VPS37B: variants seen among roughly 807,000 people sequenced by gnomAD.
The protein encoded by VPS37B is VPS37B subunit of ESCRT-I.
A neutral mutation model predicts 21.2 loss-of-function variants in VPS37B; 11 were observed. The ratio of observed to expected loss-of-function variants is 0.52; its 90% confidence interval spans 0.33 to 0.86. VPS37B has a LOEUF of 0.86. VPS37B is among the 40% of genes least tolerant of loss of function. The pLI is 0.03. For missense variants in VPS37B, 389 were observed against 374.8 expected, an observed-to-expected ratio of 1.04 and a Z score of -0.31; for synonymous variants, 175 against 159.6, an observed-to-expected ratio of 1.10 and a Z score of -0.73.
At chr12:122,880,020 A>G (rs2034221260) in intron 1 of VPS37B, 1 of 152,136 alleles carries the variant, frequency 6.6e-6, no homozygotes, top group African/African-American at 2.4e-5. Flanking sequence ...TGAGGCAGGC[A>G]GGAGAATCAC....
In VPS37B at chr12:122,867,175, G is replaced by C. The variant is rs753751384; in HGVS notation, c.799C>G (p.Leu267Val). Residue 267 changes from leucine to valine, a missense_variant, in exon 4 of 4, where the codon CTC becomes GTC. Transcript: ENST00000267202. The surrounding 1 kb of genome is among the most constrained non-coding windows in gnomAD (Gnocchi z 5.5). ...SQFVSPYPPP[L>V]PQRPPPRLPP... ...AGCCGGGGCGGGGGTCTCTGAGGGAGAGGTGGCGGATATGGGGACACGAAC... is the reference window on the plus strand; with the variant it reads ...AGCCGGGGCGGGGGTCTCTGAGGGACAGGTGGCGGATATGGGGACACGAAC... 25 of 1,561,552 alleles carry C rather than the reference G, an allele frequency of 1.6e-5. No homozygotes were observed. The South Asian group carries it at 2.7e-4, about 17-fold the overall frequency.
At position 122,867,459 on chromosome 12, in the gene VPS37B, G is replaced by A. The variant is rs777939759; in HGVS notation, c.515C>T (p.Ala172Val). The A allele has an allele frequency of 8.1e-6, 13 of 1,613,724 alleles. No homozygotes were observed. Among genetic ancestry groups the A allele is most frequent in the South Asian group, 4.4e-5 (4 of 91,088 alleles). The change falls in exon 4 of 4, where the codon GCC becomes GTC. Residue 172 changes from alanine to valine, a missense_variant. Coordinates refer to ENST00000267202, the MANE Select transcript of VPS37B (RefSeq NM_024667.3). The surrounding 1 kb of genome is among the most constrained non-coding windows in gnomAD (Gnocchi z 5.5). ...MVLKGQRLPQALAPLPPRLPE... is the reference protein window; with the variant it reads ...MVLKGQRLPQVLAPLPPRLPE... ...CAGCCTGGGGGGCAGCGGGGCCAGG[G>A]CCTGTGGGAGTCTCTGCCCCTTTAG...
At chr12:122,872,555 G>A (rs1267780932) in intron 1 of VPS37B, 6 of 985,256 alleles carry the variant, frequency 6.1e-6, no homozygotes, top group African/African-American at 5.2e-5. Context: ...AGTTTCACTC[G>A]GGTTTCTGGT....
intron 1 of VPS37B, among the ~76,000 whole-genome samples, chr12:122,895,714 C>G (rs1161045510): frequency 2.0e-5 from 3 of 151,994 alleles, no homozygotes; most frequent in African/African-American, 7.3e-5. Context: ...TTTTTCCCGC[C>G]TCCGCCCTAG....
chr12:122,869,089 G>A (rs555153113), intron 2 of VPS37B, among the ~76,000 whole-genome samples: 57 of 152,282 alleles, frequency 3.7e-4, no homozygotes, highest in African/African-American at 1.4e-3. Context: ...TCAGCACCGC[G>A]TCTCTGAGAC....
At chr12:122,892,050 G>C (rs933860775) in intron 1 of VPS37B, among the ~76,000 whole-genome samples, 1 of 152,164 alleles carries the variant, frequency 6.6e-6, no homozygotes, top group Non-Finnish European at 1.5e-5. Flanking sequence ...TCCCCTAAGC[G>C]ACAGTTCCTT....
intron 1 of VPS37B, among the ~76,000 whole-genome samples, chr12:122,894,837 G>A (rs2034466559): frequency 2.6e-5 from 4 of 152,160 alleles, no homozygotes; most frequent in African/African-American, 7.2e-5. Context: ...CAGGGGCTGG[G>A]CAAGGCTTGA....
rs1402862862 is a variant in VPS37B at position 122,884,625 on chromosome 12, T to C, written c.111+11327A>G. 2.6e-5 allele frequency: 4 copies of C among 152,114 alleles called. No homozygotes were observed. In the East Asian group the frequency reaches 7.7e-4, roughly 29 times the overall value. The allele number at this position is 152,114 out of a possible 1,614,324, so 9.4% of individuals were successfully genotyped here. A position where few individuals can be genotyped will look rare whatever the true frequency, so the allele number is the denominator to read the frequency against. On this transcript the variant is annotated intron_variant, in intron 1 of 3. Coordinates refer to ENST00000267202, the MANE Select transcript of VPS37B (RefSeq NM_024667.3). ...ATACCTAGTCATGACCACCTGACCA[T>C]GAGGGGTGTCAGTTAATAGCTTCTA...
Position 122,867,658 on chromosome 12 carries a change from T to C in VPS37B, c.367-51A>G, listed in dbSNP as rs776167475. 3.1e-6 allele frequency: 5 copies of C among 1,601,812 alleles called. No homozygotes were observed. The African/African-American group carries it at 5.3e-5, about 17-fold the overall frequency. On this transcript the variant is annotated intron_variant, in intron 3 of 3. Transcript: ENST00000267202. The surrounding 1 kb of genome is among the most constrained non-coding windows in gnomAD (Gnocchi z 5.5). ...AGGGACAGCCAGATGGGGAGGATGC[T>C]CCCTTCGTGGTCTAGGCACAAGGAG...
intron 1 of VPS37B, chr12:122,872,132 G>C: frequency 1.0e-6 from 1 of 985,448 alleles, no homozygotes; most frequent in South Asian, 4.7e-5. Context: ...ATAGATTCCT[G>C]GCCATGCTGC....
At chr12:122,893,849 C>T (rs2034451556) in intron 1 of VPS37B, among the ~76,000 whole-genome samples, 1 of 145,436 alleles carries the variant, frequency 6.9e-6, no homozygotes, top group African/African-American at 2.5e-5. Flanking sequence ...AAAAAAAAAT[C>T]CTGCCAGATG....
intron 1 of VPS37B, chr12:122,886,107 T>C (rs947713242): frequency 6.6e-6 from 1 of 152,212 alleles, no homozygotes; most frequent in African/African-American, 2.4e-5. Context: ...TCTAGAATTG[T>C]CCTTATGAAT....
intron 1 of VPS37B, chr12:122,872,281 C>T: frequency 1.0e-6 from 1 of 985,476 alleles, no homozygotes; most frequent in Non-Finnish European, 1.2e-6. Context: ...TGGATCCATG[C>T]CTCAATCAGG....
intron 1 of VPS37B, among the ~76,000 whole-genome samples, chr12:122,891,937 G>C (rs532077814): frequency 6.6e-6 from 1 of 152,328 alleles, no homozygotes; most frequent in East Asian, 1.9e-4. Context: ...TGGGAACAAA[G>C]ATCCCCAATT....
chr12:122,890,072 G>A (rs961014046), intron 1 of VPS37B: 1 of 152,210 alleles, frequency 6.6e-6, no homozygotes, highest in Non-Finnish European at 1.5e-5. Context: ...AAGGCGGGGG[G>A]TTCCGCCGGT....
At position 122,867,292 on chromosome 12, in the gene VPS37B, T is replaced by C; in HGVS notation, c.682A>G (p.Ser228Gly). 4.0e-6 allele frequency: 6 copies of C among 1,497,942 alleles called. No individual in the cohort carries two copies. The highest frequency in any genetic ancestry group is 5.4e-6 in the Non-Finnish European group (6 of 1,119,230). The allele number at this position is 1,497,942 out of a possible 1,614,324, so 92.8% of individuals were successfully genotyped here. A position where few individuals can be genotyped will look rare whatever the true frequency, so the allele number is the denominator to read the frequency against. The part of the protein sequence containing the change: ...RLATPFTAAM[S>G]SGQAVPYPGL... Reference sequence around the variant, plus strand: ...GGGTACGGCACGGCCTGTCCCGAACTCATGGCCGCAGTAAACGGGGTGGCT... The same window carrying C: ...GGGTACGGCACGGCCTGTCCCGAACCCATGGCCGCAGTAAACGGGGTGGCT... Residue 228 changes from serine to glycine, a missense_variant, in exon 4 of 4, where the codon AGT becomes GGT. Coordinates refer to ENST00000267202, the MANE Select transcript of VPS37B (RefSeq NM_024667.3). The surrounding 1 kb of genome is among the most constrained non-coding windows in gnomAD (Gnocchi z 5.5).
chr12:122,891,703 TCA>T (rs1439837949), intron 1 of VPS37B, among the ~76,000 whole-genome samples: 1 of 152,206 alleles, frequency 6.6e-6, no homozygotes, highest in Non-Finnish European at 1.5e-5. Context: ...TCACCAGCAT[TCA>T]GAGTGTGTTT....
At chr12:122,893,445 G>T (rs1025458031) in intron 1 of VPS37B, among the ~76,000 whole-genome samples, 1 of 145,418 alleles carries the variant, frequency 6.9e-6, no homozygotes, top group South Asian at 2.3e-4. Flanking sequence ...TCTTTAACAC[G>T]CCATCACAAA....
At position 122,870,996 on chromosome 12, in the gene VPS37B, G is replaced by A; in HGVS notation, c.177C>T (p.Asn59=). ...LASNRSLAEG[N]LLYQPQLDTL... is the part of the protein sequence containing the mutation. The stretch of plus-strand genomic sequence containing the variant: ...TGTCCAGCTGGGGCTGGTACAAAAG[G>A]TTTCCTTCTGCCAGGCTCCGGTTGC... Residue 59 remains asparagine (N), a synonymous_variant, in exon 2 of 4, where the codon AAC becomes AAT. Coordinates refer to ENST00000267202, the MANE Select transcript of VPS37B (RefSeq NM_024667.3). 1 of 1,614,142 alleles carries A rather than the reference G, an allele frequency of 6.2e-7. No individual in the cohort carries two copies. The highest frequency in any genetic ancestry group is 8.5e-7 in the Non-Finnish European group (1 of 1,180,000).
Sources: allele counts gnomAD v4.1 joint callset (sites outside exome capture counted in the v4.1 genomes callset), GRCh38; gene constraint gnomAD v4.1.1; non-coding constraint Gnocchi (gnomAD v3.1); transcripts MANE v1.5; gene names NCBI Gene and HGNC (gene_info 2026-07-23, HGNC 2026-07-21).